Variants in APOOL observed in about 807,000 individuals in gnomAD.
APOOL encodes the protein MICOS complex subunit MIC27.
APOOL carries 12 observed loss-of-function variants against 23.1 expected under a neutral mutation model. The ratio of observed to expected loss-of-function variants is 0.52; its 90% CI spans 0.33 to 0.84. APOOL has a LOEUF of 0.84. Among genes scored for constraint, APOOL ranks in the 40% least tolerant of loss-of-function variants. The pLI, the probability that APOOL is intolerant of heterozygous loss-of-function variation, is 0.02. For synonymous variants in APOOL, 77 were observed against 69.9 expected, an observed-to-expected ratio of 1.10 and a Z score of -0.51; for missense variants, 212 against 199.6, an observed-to-expected ratio of 1.06 and a Z score of -0.37.
At chrX:85,023,927 A>G (rs1033805789) in intron 1 of APOOL, among the ~76,000 whole-genome samples, 5 of 112,239 alleles carry the variant, frequency 4.5e-5, no homozygotes, top group African/African-American at 1.6e-4. Flanking sequence ...CTGGTTTCCA[A>G]TAGCACCCTT....
intron 8 of APOOL, among the ~76,000 whole-genome samples, chrX:85,079,164 G>C (rs775927173): frequency 9.0e-6 from 1 of 111,701 alleles, no homozygotes; most frequent in African/African-American, 3.3e-5. Flanking sequence ...CCCCTGTCTT[G>C]TGCCTGTTTT....
chrX:85,069,597 G>A (rs1297945198), intron 6 of APOOL, among the ~76,000 whole-genome samples: 1 of 85,077 alleles, frequency 1.2e-5, no homozygotes, highest in Admixed American at 1.4e-4. Context: ...GTGACAGAGT[G>A]AGACGCCATC....
rs1160955606 is a variant in APOOL, at chrX:85,089,042, G to C, written c.*1364G>C. 9.0e-6 allele frequency: 1 copy of C among 111,385 alleles called. No homozygotes were observed. Among genetic ancestry groups the C allele is most frequent in the Non-Finnish European group, 1.9e-5 (1 of 53,075 alleles). 9.2% of individuals were successfully genotyped at this position (111,385 alleles called of 1,213,427 possible). ...AAGTAATTGTTACTTTTTGACAAAA[G>C]TAAATATTGTCCCTTTTTTCCCTAC... On this transcript the variant is annotated 3_prime_UTR_variant, in exon 9 of 9. Coordinates refer to ENST00000373173, the MANE Select transcript of APOOL (RefSeq NM_198450.6).
chrX:85,082,418 C>T (rs1197837321), intron 8 of APOOL, among the ~76,000 whole-genome samples: 1 of 110,793 alleles, frequency 9.0e-6, no homozygotes, highest in Non-Finnish European at 1.9e-5. Context: ...GTATACCGAG[C>T]GGAGGCTGCA....
At chrX:85,061,444 T>C (rs1006409343) in intron 5 of APOOL, among the ~76,000 whole-genome samples, 14 of 112,163 alleles carry the variant, frequency 1.2e-4, no homozygotes, top group Non-Finnish European at 2.6e-4. Flanking sequence ...CGGAATAGTT[T>C]CAGAAGGAAT....
Position 85,088,033 on chromosome X carries a change from C to CATGTATAAATACGTATTTATACATAT in APOOL, c.*368_*393dup, listed in dbSNP as rs1556380520. ...ATGTATAAATACATACATATTTATA[C>CATGTATAAATACGTATTTATACATAT]ATGTATAAATACGTATTTATACATA... On this transcript the variant is annotated 3_prime_UTR_variant, in exon 9 of 9. Transcript: ENST00000373173. The CATGTATAAATACGTATTTATACATAT allele has an allele frequency of 2.3e-4, 19 of 83,860 alleles. No homozygotes were observed. Among genetic ancestry groups the CATGTATAAATACGTATTTATACATAT allele is most frequent in the African/African-American group, 8.4e-4 (19 of 22,673 alleles). 6.9% of individuals were successfully genotyped at this position (83,860 alleles called of 1,213,427 possible).
chrX:85,074,263 T>C lies in APOOL; in HGVS notation c.601-11T>C. 2 of 1,209,756 alleles carry C rather than the reference T, an allele frequency of 1.7e-6. No individual in the cohort carries two copies. The highest frequency in any genetic ancestry group is 2.2e-6 in the Non-Finnish European group (2 of 894,608). On this transcript the variant is annotated splice_polypyrimidine_tract_variant and intron_variant, in intron 7 of 8. Coordinates refer to ENST00000373173, the MANE Select transcript of APOOL (RefSeq NM_198450.6). ...ATTTACTTATGAAGGAAAAATCTGT[T>C]TGGTAAACAGCTAGGATCCTCTTCC...
chrX:85,051,340 G>A, intron 2 of APOOL, 49 bp from the exon 3 acceptor site: 1 of 1,198,215 alleles, frequency 8.3e-7, no homozygotes, highest in Non-Finnish European at 1.1e-6. Flanking sequence ...CGCTGTTATG[G>A]ACAGTCCAGC....
chrX:85,041,891 C>T (rs1177488346), intron 1 of APOOL, among the ~76,000 whole-genome samples: 5 of 110,915 alleles, frequency 4.5e-5, no homozygotes, highest in Admixed American at 9.6e-5. Context: ...TTTCTGCTCT[C>T]TGTGGGTCAT....
chrX:85,051,464 G>C lies in APOOL; in HGVS notation c.196G>C (p.Ala66Pro), dbSNP rs2147647243. 1 of 1,209,324 alleles carries C rather than the reference G, an allele frequency of 8.3e-7. No homozygotes were observed. The highest frequency in any genetic ancestry group is 1.1e-6 in the Non-Finnish European group (1 of 894,916). The change falls in exon 3 of 9, where the codon GCT becomes CCT. Residue 66 changes from alanine (A) to proline (P), a missense_variant. By Grantham distance (27) the Ala-to-Pro change is conservative. Transcript: ENST00000373173. ...GCCTGGTCATTTACAAATGGGCTTT[G>C]CTTCCATCCGCACTGCAACTGGTTG... The part of the protein sequence containing the change: ...EQPGHLQMGF[A>P]SIRTATGCYI...
intron 3 of APOOL, among the ~76,000 whole-genome samples, chrX:85,052,886 G>A (rs1922830176): frequency 9.0e-6 from 1 of 111,568 alleles, no homozygotes; most frequent in Non-Finnish European, 1.9e-5. Context: ...TTCCTGAGAG[G>A]TCTTTAAATT....
At chrX:85,035,624 G>C (rs931605129) in intron 1 of APOOL, among the ~76,000 whole-genome samples, 1 of 110,896 alleles carries the variant, frequency 9.0e-6, no homozygotes, top group African/African-American at 3.3e-5. Flanking sequence ...GTTGATTTTC[G>C]TGTATGGTGA....
intron 1 of APOOL, among the ~76,000 whole-genome samples, chrX:85,029,516 C>T (rs962938599): frequency 1.8e-5 from 2 of 111,304 alleles, no homozygotes; most frequent in African/African-American, 6.5e-5. Flanking sequence ...AATATTTCTT[C>T]TGATCTTCAG....
At chrX:85,081,505 T>G (rs1924099019) in intron 8 of APOOL, 1 of 114,302 alleles carries the variant, frequency 8.7e-6, no homozygotes, top group East Asian at 2.8e-4. Context: ...GACCTTTCTC[T>G]CTGGCTGCCC....
chrX:85,018,245 T>C (rs1921543584), intron 1 of APOOL, among the ~76,000 whole-genome samples: 1 of 112,311 alleles, frequency 8.9e-6, no homozygotes, highest in South Asian at 3.7e-4. Flanking sequence ...ACAGGAAGCA[T>C]GGTGCTGACA....
chrX:85,009,912 T>G (rs1045243892), intron 1 of APOOL, among the ~76,000 whole-genome samples: 7 of 112,039 alleles, frequency 6.2e-5, no homozygotes, highest in African/African-American at 2.3e-4. Context: ...TGGTTTTCTG[T>G]TCCTGCGTTT....
intron 6 of APOOL, among the ~76,000 whole-genome samples, chrX:85,068,454 G>A (rs1045588206): frequency 1.0e-4 from 10 of 99,628 alleles, no homozygotes; most frequent in Non-Finnish European, 4.0e-5. Flanking sequence ...CACCCAGGCT[G>A]GAGTGCAATG....
At chrX:85,023,958 G>C (rs996756703) in intron 1 of APOOL, among the ~76,000 whole-genome samples, 1 of 112,051 alleles carries the variant, frequency 8.9e-6, no homozygotes, top group Non-Finnish European at 1.9e-5. Flanking sequence ...CAGGCTTCTT[G>C]TTGTTGTTGT....
intron 2 of APOOL, among the ~76,000 whole-genome samples, chrX:85,049,660 G>C (rs1569456840): frequency 9.1e-6 from 1 of 110,405 alleles, no homozygotes; most frequent in East Asian, 2.9e-4. Flanking sequence ...TTGGGGGTGT[G>C]CCTGTAGTCC....
Sources: gnomAD v4.1 joint callset for allele counts (sites outside exome capture counted in the v4.1 genomes callset) on GRCh38, gnomAD v4.1.1 for gene constraint, MANE v1.5 for transcripts, NCBI Gene and HGNC (gene_info 2026-07-23, HGNC 2026-07-21) for gene names.